The following DISC1 variants were observed in gnomAD, a reference collection of about 807,000 sequenced individuals.
The protein encoded by DISC1 is disrupted in schizophrenia 1 protein.
In DISC1, 57 loss-of-function variants were observed where a neutral mutation model predicts 84.5. The observed-to-expected ratio is 0.67, with a 90% CI of 0.55 to 0.84. The LOEUF (loss-of-function observed/expected upper bound fraction) is 0.84, where lower values mean the gene tolerates loss of function less well. DISC1 is among the 40% of genes least tolerant of loss of function. DISC1 has a pLI of 0.00. For missense variants in DISC1, 1,000 were observed against 1,057.8 expected (o/e 0.95, Z 0.76); for synonymous variants, 411 against 415.2 (o/e 0.99, Z 0.12).
intron 3 of DISC1, among the ~76,000 whole-genome samples, chr1:231,705,132 C>A (rs1209426254): frequency 6.7e-6 from 1 of 150,008 alleles, no homozygotes; most frequent in Non-Finnish European, 1.5e-5. Flanking sequence ...ACTAAAAATA[C>A]AAAAAATTAG....
Position 231,818,375 on chromosome 1 carries a change from A to G in DISC1, c.1839A>G (p.Ser613=). ...TAKDLTEEIR[S]LTSEREGLEG... is the part of the protein sequence containing the mutation. The stretch of plus-strand genomic sequence containing the variant: ...AAGACCTCACCGAGGAGATTAGATC[A>G]TTAACATCAGAGAGAGAAGGGCTGG... The change falls in exon 9 of 13, where the codon TCA becomes TCG. Residue 613 remains serine, a synonymous_variant. Transcript: ENST00000439617. The G allele has an allele frequency of 1.2e-6, 2 of 1,614,134 alleles. No homozygotes were observed. The highest frequency in any genetic ancestry group is 1.3e-5 in the African/African-American group (1 of 75,046).
At chr1:231,856,596 C>T (rs918583235) in intron 9 of DISC1, among the ~76,000 whole-genome samples, 2 of 152,186 alleles carry the variant, frequency 1.3e-5, no homozygotes, top group Non-Finnish European at 2.9e-5. Context: ...AAAACCTGCC[C>T]CTGCCATTTC....
At chr1:231,824,875 TATCCATCC>T (rs67972870) in intron 9 of DISC1, among the ~76,000 whole-genome samples, 212 of 149,996 alleles carry the variant, frequency 1.4e-3, no homozygotes, top group Non-Finnish European at 1.9e-3. Context: ...GTTGCATTTC[TATCCATCC>T]ATCCATCCAT....
At chr1:231,939,267 C>T (rs1045970127) in intron 9 of DISC1, among the ~76,000 whole-genome samples, 2 of 152,218 alleles carry the variant, frequency 1.3e-5, no homozygotes, top group South Asian at 4.1e-4. Context: ...GTTTTTTCAC[C>T]GTCATAGCTC....
At chr1:231,788,129 CA>C (rs1173390601) in intron 6 of DISC1, among the ~76,000 whole-genome samples, 4 of 151,780 alleles carry the variant, frequency 2.6e-5, no homozygotes, top group Non-Finnish European at 5.9e-5. Context: ...CTAAAAATAC[CA>C]AAAAAATTAG....
intron 9 of DISC1, among the ~76,000 whole-genome samples, chr1:231,876,441 C>A (rs2085895599): frequency 6.6e-6 from 1 of 152,170 alleles, no homozygotes; most frequent in African/African-American, 2.4e-5. Flanking sequence ...CTTTTTAATA[C>A]ATTACCCAGC....
intron 9 of DISC1, among the ~76,000 whole-genome samples, chr1:231,913,981 C>T (rs189685442): frequency 6.6e-6 from 1 of 152,290 alleles, no homozygotes; most frequent in African/African-American, 2.4e-5. Context: ...TGACAGAAGC[C>T]CCCACCCAGT....
intron 9 of DISC1, among the ~76,000 whole-genome samples, chr1:231,905,942 T>A (rs184431221): frequency 6.6e-6 from 1 of 151,568 alleles, no homozygotes; most frequent in Non-Finnish European, 1.5e-5. Context: ...GTCCAGGAAA[T>A]AGAAAGTTCT....
chr1:231,642,095 C>A (rs1260843038), intron 1 of DISC1, among the ~76,000 whole-genome samples: 1 of 152,198 alleles, frequency 6.6e-6, no homozygotes, highest in African/African-American at 2.4e-5. Flanking sequence ...CCCTGCCCCG[C>A]GGGAAGGCAG....
At chr1:231,868,364 C>T (rs572189411) in intron 9 of DISC1, among the ~76,000 whole-genome samples, 30 of 152,206 alleles carry the variant, frequency 2.0e-4, no homozygotes, top group Admixed American at 6.5e-4. Flanking sequence ...TATTCCTTCT[C>T]AAGGGTTTGC....
intron 6 of DISC1, among the ~76,000 whole-genome samples, chr1:231,794,183 T>C (rs2078570986): frequency 6.6e-6 from 1 of 152,224 alleles, no homozygotes; most frequent in Admixed American, 6.5e-5. Context: ...CTGTTTATCT[T>C]TCACAACTCA....
chr1:231,851,806 C>A (rs545151049), intron 9 of DISC1, among the ~76,000 whole-genome samples: 1 of 152,124 alleles, frequency 6.6e-6, no homozygotes, highest in African/African-American at 2.4e-5. Flanking sequence ...TTTGAGGAGG[C>A]AGAGTTCCCC....
At chr1:232,034,616 G>C (rs114668415) in intron 12 of DISC1, among the ~76,000 whole-genome samples, 168 of 152,286 alleles carry the variant, frequency 1.1e-3, no homozygotes, top group African/African-American at 4.0e-3. Flanking sequence ...TTTGGTTCAA[G>C]TTCTCTCTCT....
chr1:231,816,257 A>G (rs948711723), intron 8 of DISC1, among the ~76,000 whole-genome samples: 2 of 152,180 alleles, frequency 1.3e-5, no homozygotes, highest in Non-Finnish European at 2.9e-5. Flanking sequence ...ACTTTGTAAA[A>G]TGCCTGTTAA....
intron 9 of DISC1, among the ~76,000 whole-genome samples, chr1:231,945,678 G>T (rs544655414): frequency 6.6e-6 from 1 of 152,226 alleles, no homozygotes; most frequent in African/African-American, 2.4e-5. Context: ...CCAGGAGCTG[G>T]TTTTTTGAAA....
chr1:231,775,630 A>C (rs2076907141), intron 6 of DISC1, among the ~76,000 whole-genome samples: 1 of 152,206 alleles, frequency 6.6e-6, no homozygotes, highest in African/African-American at 2.4e-5. Context: ...CTTTTTAAGC[A>C]CTGGAGAATG....
intron 9 of DISC1, among the ~76,000 whole-genome samples, chr1:231,886,678 A>G (rs2086699864): frequency 6.6e-6 from 1 of 152,202 alleles, no homozygotes; most frequent in Admixed American, 6.5e-5. Context: ...AGCCAATAAA[A>G]CAGGAGGAAG....
intron 9 of DISC1, among the ~76,000 whole-genome samples, chr1:231,851,695 G>A (rs1017478746): frequency 3.9e-5 from 6 of 152,180 alleles, no homozygotes; most frequent in Non-Finnish European, 7.4e-5. Context: ...ACATGTAAGG[G>A]CCATGAGAAG....
intron 6 of DISC1, among the ~76,000 whole-genome samples, chr1:231,787,598 C>T (rs928459023): frequency 5.3e-5 from 8 of 152,186 alleles, no homozygotes; most frequent in African/African-American, 1.2e-4. Context: ...CCTCTCGACA[C>T]GGTTGCCTTG....
Sources: gnomAD v4.1 joint callset for allele counts (sites outside exome capture counted in the v4.1 genomes callset) on GRCh38, gnomAD v4.1.1 for gene constraint, MANE v1.5 for transcripts, NCBI Gene and HGNC (gene_info 2026-07-23, HGNC 2026-07-21) for gene names.